KCNB2: variants seen among roughly 807,000 people sequenced by gnomAD.
KCNB2 encodes delayed rectifier potassium channel protein.
Under a neutral mutation model 61.5 loss-of-function variants are expected in KCNB2, and 15 were observed. The ratio of observed to expected loss-of-function variants is 0.24; its 90% CI spans 0.16 to 0.38. KCNB2 has a LOEUF of 0.38. Ranked by LOEUF, KCNB2 falls within the 10% of genes least tolerant of loss-of-function variation. KCNB2 has a pLI of 1.00. For synonymous variants in KCNB2, 457 were observed against 446.0 expected (o/e 1.02, Z -0.31); for missense variants, 828 against 1,125.2 (o/e 0.74, Z 3.78).
At chr8:72,637,401 A>G (rs1461856930) in intron 2 of KCNB2, among the ~76,000 whole-genome samples, 1 of 152,090 alleles carries the variant, frequency 6.6e-6, no homozygotes, top group Non-Finnish European at 1.5e-5. Flanking sequence ...CCTGTCTCTG[A>G]ATAGATCTTT....
At chr8:72,667,006 T>TGAGA (rs1554582835) in intron 2 of KCNB2, among the ~76,000 whole-genome samples, 5 of 147,828 alleles carry the variant, frequency 3.4e-5, no homozygotes, top group African/African-American at 1.3e-4. Flanking sequence ...TGTGTGTGTG[T>TGAGA]GAGAGAGAGA....
At chr8:72,891,604 A>G (rs566950372) in intron 2 of KCNB2, among the ~76,000 whole-genome samples, 1 of 152,336 alleles carries the variant, frequency 6.6e-6, no homozygotes, top group African/African-American at 2.4e-5. Context: ...CCATTTTGGC[A>G]CTTAAGTACA....
At chr8:72,572,354 C>T (rs1211828412) in intron 2 of KCNB2, among the ~76,000 whole-genome samples, 1 of 152,142 alleles carries the variant, frequency 6.6e-6, no homozygotes, top group African/African-American at 2.4e-5. Context: ...ATAAGAACAG[C>T]AGGAGGCAAA....
chr8:72,791,544 T>A (rs1190347188), intron 2 of KCNB2, among the ~76,000 whole-genome samples: 1 of 152,088 alleles, frequency 6.6e-6, no homozygotes, highest in Non-Finnish European at 1.5e-5. Flanking sequence ...GGTGAGACTC[T>A]GTCTCAAAAA....
chr8:72,762,153 C>T (rs750070251), intron 2 of KCNB2, among the ~76,000 whole-genome samples: 41 of 152,170 alleles, frequency 2.7e-4, no homozygotes, highest in Non-Finnish European at 2.4e-4. Context: ...ACCATGTCAC[C>T]GAATTTACAT....
At chr8:72,739,448 C>T (rs2128994363) in intron 2 of KCNB2, among the ~76,000 whole-genome samples, 1 of 151,858 alleles carries the variant, frequency 6.6e-6, no homozygotes, top group Middle Eastern at 3.4e-3. Context: ...GACATAGATA[C>T]AATAGAAACA....
chr8:72,795,216 G>A (rs1296634746), intron 2 of KCNB2, among the ~76,000 whole-genome samples: 1 of 152,188 alleles, frequency 6.6e-6, no homozygotes, highest in South Asian at 2.1e-4. Flanking sequence ...GTGTTACAAA[G>A]TAGACAAATA....
At chr8:72,627,753 C>T (rs1020965437) in intron 2 of KCNB2, among the ~76,000 whole-genome samples, 4 of 152,190 alleles carry the variant, frequency 2.6e-5, no homozygotes, top group Admixed American at 2.6e-4. Context: ...CTTCAGATAA[C>T]TCTCCTTCCA....
At chr8:72,765,149 CT>C (rs1240672927) in intron 2 of KCNB2, among the ~76,000 whole-genome samples, 2 of 152,172 alleles carry the variant, frequency 1.3e-5, no homozygotes, top group Non-Finnish European at 2.9e-5. Context: ...ATGCCCTAAA[CT>C]TTCACTCATT....
At chr8:72,701,699 C>T (rs1346591179) in intron 2 of KCNB2, among the ~76,000 whole-genome samples, 1 of 152,042 alleles carries the variant, frequency 6.6e-6, no homozygotes, top group Non-Finnish European at 1.5e-5. Flanking sequence ...TACAGAGATT[C>T]AGGTATAAGG....
At position 72,672,440 on chromosome 8, in the gene KCNB2, A is replaced by T. The variant is rs147948019; in HGVS notation, c.579+104127A>T. On this transcript the variant is annotated intron_variant, in intron 2 of 2. Coordinates refer to ENST00000523207, the MANE Select transcript of KCNB2 (RefSeq NM_004770.3). ...TCAACATGCTAACACATCCTGAATTATGGATGGTTTCATAAAATTTGACAA... is the reference window on the plus strand; with the variant it reads ...TCAACATGCTAACACATCCTGAATTTTGGATGGTTTCATAAAATTTGACAA... 1.2e-4 allele frequency among the ~76,000 whole-genome samples: 18 copies of T among 152,262 alleles called. No individual in the cohort carries two copies. The East Asian group carries it at 3.3e-3, about 28-fold the overall frequency.
chr8:72,737,499 A>C (rs1217642631), intron 2 of KCNB2, among the ~76,000 whole-genome samples: 1 of 152,230 alleles, frequency 6.6e-6, no homozygotes. Flanking sequence ...TTGTATTTAA[A>C]GAGAATGTAG....
chr8:72,689,924 G>A (rs1296808405), intron 2 of KCNB2, among the ~76,000 whole-genome samples: 1 of 151,624 alleles, frequency 6.6e-6, no homozygotes, highest in Non-Finnish European at 1.5e-5. Context: ...TTTTACATTC[G>A]GTGACTAGAC....
intron 2 of KCNB2, among the ~76,000 whole-genome samples, chr8:72,595,323 T>A (rs1398353053): frequency 6.6e-6 from 1 of 151,072 alleles, no homozygotes; most frequent in Non-Finnish European, 1.5e-5. Context: ...TTTTCTTTTT[T>A]CTTTCTTTTT....
intron 2 of KCNB2, among the ~76,000 whole-genome samples, chr8:72,709,267 A>T (rs1233690274): frequency 1.3e-5 from 2 of 152,170 alleles, no homozygotes; most frequent in Non-Finnish European, 2.9e-5. Context: ...TGAAACAAAA[A>T]ATTTTTAAAT....
chr8:72,803,085 G>C (rs1268180496), intron 2 of KCNB2, among the ~76,000 whole-genome samples: 1 of 152,140 alleles, frequency 6.6e-6, no homozygotes, highest in African/African-American at 2.4e-5. Flanking sequence ...GTAGCTCTGT[G>C]TCCATGGTCT....
intron 2 of KCNB2, among the ~76,000 whole-genome samples, chr8:72,669,396 A>G (rs1450603740): frequency 6.6e-6 from 1 of 152,248 alleles, no homozygotes; most frequent in East Asian, 1.9e-4. Flanking sequence ...TATTTAACTA[A>G]TGATGACTAT....
At chr8:72,839,659 C>T (rs1284271620) in intron 2 of KCNB2, among the ~76,000 whole-genome samples, 1 of 124,018 alleles carries the variant, frequency 8.1e-6, no homozygotes, top group Non-Finnish European at 1.6e-5. Flanking sequence ...GTCGCCCAGG[C>T]TGGAGTGCAG....
chr8:72,737,271 A>G (rs1448880734), intron 2 of KCNB2, among the ~76,000 whole-genome samples: 4 of 152,194 alleles, frequency 2.6e-5, no homozygotes, highest in Admixed American at 6.6e-5. Flanking sequence ...TTGCCTTCCA[A>G]CTAAGGACCA....
Sources: gnomAD v4.1 joint callset for allele counts (sites outside exome capture counted in the v4.1 genomes callset) on GRCh38, gnomAD v4.1.1 for gene constraint, MANE v1.5 for transcripts, NCBI Gene and HGNC (gene_info 2026-07-23, HGNC 2026-07-21) for gene names.